SREBF2: variants seen among roughly 807,000 people sequenced by gnomAD.
The protein encoded by SREBF2 is sterol regulatory element binding transcription factor 2, also known as sterol regulatory element-binding protein 2.
SREBF2 carries 55 observed loss-of-function variants against 113.1 expected under a neutral mutation model. That is an observed-to-expected ratio of 0.49 (90% CI 0.39 to 0.61). The LOEUF (loss-of-function observed/expected upper bound fraction) is 0.61, where lower values mean the gene tolerates loss of function less well. Ranked by LOEUF, SREBF2 falls within the 20% of genes least tolerant of loss-of-function variation. SREBF2 has a pLI of 0.00. For missense variants in SREBF2, 1,349 were observed against 1,487.4 expected (o/e 0.91, Z 1.53); for synonymous variants, 593 against 605.7 (o/e 0.98, Z 0.31).
intron 16 of SREBF2, among the ~76,000 whole-genome samples, chr22:41,901,553 C>T (rs1351839496): frequency 6.6e-6 from 1 of 152,110 alleles, no homozygotes; most frequent in Non-Finnish European, 1.5e-5. Context: ...CCCAGCTACT[C>T]AGGAGGCTGA....
rs1357864694 is a variant in SREBF2 at position 41,905,440 on chromosome 22, G to T, written c.3206G>T (p.Gly1069Val). The change falls in exon 19 of 19, where the codon GGA (glycine) becomes GTA (valine). Residue 1069 changes from glycine to valine, a missense_variant and splice_region_variant. By Grantham distance (109) the Gly-to-Val change is moderately radical. This residue lies in a region of SREBF2 where 650 missense variants were observed against 644.1 expected (regional missense o/e 1.01). Transcript: ENST00000361204. ...TGTGACACACATCTCCTTCCCACAG[G>T]AGAGGTGGATGCCTGGCCCGGCCAG... ...RRRTTQSTKH[G>V]EVDAWPGQRE... 3.2e-6 allele frequency: 5 copies of T among 1,570,818 alleles called. No homozygotes were observed. The African/African-American group carries it at 6.7e-5, about 21-fold the overall frequency.
intron 11 of SREBF2, among the ~76,000 whole-genome samples, chr22:41,892,343 G>T (rs529071703): frequency 7.9e-5 from 12 of 152,172 alleles, no homozygotes; most frequent in African/African-American, 1.2e-4. Flanking sequence ...TAGTCTAAAA[G>T]ATATGTAATT....
intron 1 of SREBF2, among the ~76,000 whole-genome samples, chr22:41,855,220 C>A (rs560162304): frequency 6.6e-6 from 1 of 152,146 alleles, no homozygotes; most frequent in African/African-American, 2.4e-5. Context: ...AATAAGATTG[C>A]AAATTTAAAT....
chr22:41,881,106 T>G (rs1260205199), intron 10 of SREBF2, 114 bp downstream of exon 10: 1 of 1,384,874 alleles, frequency 7.2e-7, no homozygotes, highest in Non-Finnish European at 9.8e-7. Context: ...AACGCTACTC[T>G]TTTAGAGTGG....
At position 41,842,142 on chromosome 22, in the gene SREBF2, G is replaced by A. The variant is rs1213757953; in HGVS notation, c.88+8784G>A. Among the ~76,000 whole-genome samples the A allele has an allele frequency of 6.6e-5, 10 of 152,152 alleles. No homozygotes were observed. In the South Asian group the frequency reaches 1.5e-3, roughly 22 times the overall value. Reference sequence around the variant, plus strand: ...TGGAAATATTTTTATTTTTTTAAAAGATAGTACATTCATATGAATCAAAAT... The same window carrying A: ...TGGAAATATTTTTATTTTTTTAAAAAATAGTACATTCATATGAATCAAAAT... On this transcript the variant is annotated intron_variant, in intron 1 of 18. Transcript: ENST00000361204.
intron 11 of SREBF2, among the ~76,000 whole-genome samples, chr22:41,890,733 C>A (rs2077352815): frequency 6.6e-6 from 1 of 150,390 alleles, no homozygotes; most frequent in African/African-American, 2.5e-5. Flanking sequence ...GATGGTGAAA[C>A]CCTGTCTCTA....
rs2077397625 is a variant in SREBF2 at position 41,894,800 on chromosome 22, C to G, written c.2378-20C>G. 6.2e-7 allele frequency: 1 copy of G among 1,609,652 alleles called. No homozygotes were observed. Among genetic ancestry groups the G allele is most frequent in the South Asian group, 1.1e-5 (1 of 90,970 alleles). On this transcript the variant is annotated intron_variant, in intron 12 of 18. Transcript: ENST00000361204. ...CATAAATGAGCTCCATTTAACCCCC[C>G]TTGCCTGTCTCTTTTCCAGCTGACC...
chr22:41,840,266 T>TAG (rs1261156209), intron 1 of SREBF2, among the ~76,000 whole-genome samples: 1 of 152,146 alleles, frequency 6.6e-6, no homozygotes, highest in Non-Finnish European at 1.5e-5. Context: ...CCCACATGCT[T>TAG]AGTTTCTATG....
At chr22:41,897,623 ACAT>A (rs918594274) in intron 14 of SREBF2, among the ~76,000 whole-genome samples, 4 of 152,310 alleles carry the variant, frequency 2.6e-5, no homozygotes, top group Admixed American at 2.6e-4. Flanking sequence ...GACTGGATTG[ACAT>A]CATGACATTT....
At chr22:41,845,448 T>C (rs2076869356) in intron 1 of SREBF2, among the ~76,000 whole-genome samples, 1 of 152,222 alleles carries the variant, frequency 6.6e-6, no homozygotes, top group African/African-American at 2.4e-5. Flanking sequence ...GGTCAAAAGT[T>C]GTTTTTAAAA....
chr22:41,868,556 G>A, intron 2 of SREBF2, 55 bp from the exon 3 acceptor site: 2 of 1,589,884 alleles, frequency 1.3e-6, no homozygotes, highest in Admixed American at 1.7e-5. Context: ...TGCTGCAGCT[G>A]CAGTGACAGA....
intron 1 of SREBF2, among the ~76,000 whole-genome samples, chr22:41,843,843 G>A (rs1414083928): frequency 1.3e-5 from 2 of 148,168 alleles, no homozygotes; most frequent in African/African-American, 5.0e-5. Flanking sequence ...CCCCATTTCT[G>A]TAAAAAAAAA....
At chr22:41,883,635 A>G (rs2077270842) in intron 10 of SREBF2, among the ~76,000 whole-genome samples, 1 of 152,192 alleles carries the variant, frequency 6.6e-6, no homozygotes, top group African/African-American at 2.4e-5. Flanking sequence ...AGGTAACTAC[A>G]GTATGGTTGC....
At chr22:41,842,880 C>T (rs1013489184) in intron 1 of SREBF2, among the ~76,000 whole-genome samples, 2 of 151,856 alleles carry the variant, frequency 1.3e-5, no homozygotes, top group South Asian at 2.1e-4. Flanking sequence ...ATCCCAGCTA[C>T]GTGGGAGGCT....
Position 41,900,313 on chromosome 22 carries a change from C to T in SREBF2, c.2739-17C>T. On this transcript the variant is annotated splice_polypyrimidine_tract_variant and intron_variant, in intron 15 of 18. Coordinates refer to ENST00000361204, the MANE Select transcript of SREBF2 (RefSeq NM_004599.4). ...ACACATAGTGACCTGCCTCTCGACT[C>T]CCTGTCACTGCTGCAGGAGCCCCCT... is the stretch of plus-strand genomic sequence containing the variant. 2 of 1,611,060 alleles carry T rather than the reference C, an allele frequency of 1.2e-6. No individual in the cohort carries two copies. The highest frequency in any genetic ancestry group is 1.7e-6 in the Non-Finnish European group (2 of 1,179,992).
intron 5 of SREBF2, 58 bp from the exon 6 acceptor site, chr22:41,875,279 C>G: frequency 2.0e-6 from 3 of 1,473,070 alleles, no homozygotes; most frequent in Admixed American, 1.7e-5. Context: ...GGGCTCTGCT[C>G]TTTTCACACT....
chr22:41,893,571 T>A (rs2077384629), intron 12 of SREBF2, among the ~76,000 whole-genome samples: 1 of 152,120 alleles, frequency 6.6e-6, no homozygotes, highest in African/African-American at 2.4e-5. Context: ...CAATAAATTG[T>A]GATTAAGCTC....
chr22:41,904,854 C>T lies in SREBF2; in HGVS notation c.3094-9C>T, dbSNP rs1213743680. On this transcript the variant is annotated splice_polypyrimidine_tract_variant and intron_variant, in intron 17 of 18. Coordinates refer to ENST00000361204, the MANE Select transcript of SREBF2 (RefSeq NM_004599.4). Reference sequence around the variant, plus strand: ...GGGTGTGATGGATGTCACCCCGGCACCTCCCCAGGTGTTCCTGCATGAAGC... The same window carrying T: ...GGGTGTGATGGATGTCACCCCGGCATCTCCCCAGGTGTTCCTGCATGAAGC... 1 of 1,578,622 alleles carries T rather than the reference C, an allele frequency of 6.3e-7. No individual in the cohort carries two copies.
At chr22:41,866,706 T>G (rs2077079287) in intron 1 of SREBF2, 125 bp from the exon 2 acceptor site, 2 of 1,150,522 alleles carry the variant, frequency 1.7e-6, no homozygotes, top group Admixed American at 3.4e-5. Context: ...AGGTAAGGGT[T>G]TCCTGACCCA....
Sources: allele counts gnomAD v4.1 joint callset (sites outside exome capture counted in the v4.1 genomes callset), GRCh38; gene constraint gnomAD v4.1.1; regional missense constraint gnomAD v4.1.1; transcripts MANE v1.5; gene names NCBI Gene and HGNC (gene_info 2026-07-23, HGNC 2026-07-21).